PTPRG: variants seen among roughly 807,000 people sequenced by gnomAD.
PTPRG encodes protein tyrosine phosphatase receptor type G.
In PTPRG, 102 loss-of-function variants were observed where a neutral mutation model predicts 165.3. That is an observed-to-expected ratio of 0.62 (90% CI 0.53 to 0.73). The LOEUF is 0.73. Ranked by LOEUF, PTPRG falls within the 30% of genes least tolerant of loss-of-function variation. The pLI, the probability that PTPRG is intolerant of heterozygous loss-of-function variation, is 0.00. For synonymous variants in PTPRG, 675 were observed against 669.5 expected (o/e 1.01, Z -0.13); for missense variants, 1,866 against 1,861.4 (o/e 1.00, Z -0.05).
chr3:61,910,084 T>C (rs958415416), intron 2 of PTPRG, among the ~76,000 whole-genome samples: 1 of 152,192 alleles, frequency 6.6e-6, no homozygotes, highest in African/African-American at 2.4e-5. Context: ...TATTTTTGTG[T>C]GATATATCTC....
At chr3:61,975,910 TC>T (rs1322038250) in intron 2 of PTPRG, among the ~76,000 whole-genome samples, 1 of 152,200 alleles carries the variant, frequency 6.6e-6, no homozygotes, top group Non-Finnish European at 1.5e-5. Flanking sequence ...TTATATATTC[TC>T]CTTGTATACC....
At chr3:62,268,390 G>T (rs1250651278) in intron 19 of PTPRG, among the ~76,000 whole-genome samples, 1 of 151,950 alleles carries the variant, frequency 6.6e-6, no homozygotes, top group Non-Finnish European at 1.5e-5. Flanking sequence ...ACACTTCAAG[G>T]AATCACCACA....
intron 1 of PTPRG, among the ~76,000 whole-genome samples, chr3:61,684,692 C>T (rs1703564754): frequency 6.6e-6 from 1 of 152,144 alleles, no homozygotes; most frequent in Non-Finnish European, 1.5e-5. Flanking sequence ...AAAACTGGAC[C>T]ATGTGAAACA....
At chr3:62,130,692 C>A (rs1291890154) in intron 5 of PTPRG, among the ~76,000 whole-genome samples, 1 of 152,186 alleles carries the variant, frequency 6.6e-6, no homozygotes, top group Non-Finnish European at 1.5e-5. Flanking sequence ...TCTTCTCTTG[C>A]ATTCCTGAGC....
chr3:61,836,047 C>T (rs1235995243), intron 2 of PTPRG, among the ~76,000 whole-genome samples: 5 of 104,384 alleles, frequency 4.8e-5, no homozygotes, highest in Admixed American at 9.9e-5. Context: ...TCTCACCCCC[C>T]GCGCCCCCCC....
At chr3:61,565,620 T>C (rs978897407) in intron 1 of PTPRG, among the ~76,000 whole-genome samples, 1 of 151,784 alleles carries the variant, frequency 6.6e-6, no homozygotes, top group Non-Finnish European at 1.5e-5. Flanking sequence ...ATTTTTTTTT[T>C]AATTGATTTT....
rs77213155 is a variant in PTPRG at position 61,703,291 on chromosome 3, T to C, written c.86-45587T>C. 2.2e-3 allele frequency among the ~76,000 whole-genome samples: 336 copies of C among 152,154 alleles called. 1 individual carries two copies. Among genetic ancestry groups the C allele is most frequent in the African/African-American group, 7.8e-3 (324 of 41,520 alleles). On this transcript the variant is annotated intron_variant, in intron 1 of 29. Transcript: ENST00000474889. ...TTCCGACTGATGCCTTTCTGGAAAA[T>C]AGATAAAGGACATCAGAAGAATGCA...
At chr3:61,999,660 T>G (rs2041124755) in intron 3 of PTPRG, among the ~76,000 whole-genome samples, 1 of 152,228 alleles carries the variant, frequency 6.6e-6, no homozygotes, top group South Asian at 2.1e-4. Context: ...TTTATTTATT[T>G]CATTTTGATT....
chr3:62,074,860 A>T (rs1482753073), intron 4 of PTPRG, among the ~76,000 whole-genome samples: 3 of 152,140 alleles, frequency 2.0e-5, no homozygotes, highest in Admixed American at 2.0e-4. Context: ...CACCTGCCAA[A>T]GGTGTTTTTG....
chr3:61,576,134 G>T (rs1185963317), intron 1 of PTPRG, among the ~76,000 whole-genome samples: 1 of 152,220 alleles, frequency 6.6e-6, no homozygotes, highest in Non-Finnish European at 1.5e-5. Context: ...TTTCTTCTGT[G>T]CAGAGCAGGA....
At chr3:62,175,295 G>GGT (rs1705373992) in intron 8 of PTPRG, among the ~76,000 whole-genome samples, 1 of 152,166 alleles carries the variant, frequency 6.6e-6, no homozygotes, top group African/African-American at 2.4e-5. Context: ...CTCTAGGAGT[G>GGT]GTGCCTGAAA....
At chr3:61,885,855 T>G (rs1475093158) in intron 2 of PTPRG, among the ~76,000 whole-genome samples, 1 of 148,904 alleles carries the variant, frequency 6.7e-6, no homozygotes, top group Non-Finnish European at 1.5e-5. Flanking sequence ...ACCACCTTTT[T>G]GTTGGGTCTA....
At chr3:61,734,052 G>A (rs113340573) in intron 1 of PTPRG, among the ~76,000 whole-genome samples, 185 of 152,274 alleles carry the variant, frequency 1.2e-3, no homozygotes, top group African/African-American at 4.2e-3. Context: ...AAAGTACTGC[G>A]ATTACAGGCA....
At chr3:61,749,392 G>A (rs997111938) in intron 2 of PTPRG, 2 of 297,842 alleles carry the variant, frequency 6.7e-6, no homozygotes, top group Non-Finnish European at 1.3e-5. Context: ...TGCTCTATTA[G>A]GCTCTAAGCC....
intron 2 of PTPRG, among the ~76,000 whole-genome samples, chr3:61,846,649 C>CTCA (rs144119682): frequency 0.12 from 18,272 of 152,148 alleles, 1,892 homozygotes; most frequent in African/African-American, 0.28. Context: ...GGCGTGGTGG[C>CTCA]TCATGCTTGT....
chr3:61,938,780 G>A (rs965179990), intron 2 of PTPRG, among the ~76,000 whole-genome samples: 12 of 151,978 alleles, frequency 7.9e-5, no homozygotes, highest in African/African-American at 2.9e-4. Context: ...TTTTTTTCTA[G>A]GAGAAATTAA....
intron 4 of PTPRG, among the ~76,000 whole-genome samples, chr3:62,044,859 C>G: frequency 6.6e-6 from 1 of 151,962 alleles, no homozygotes; most frequent in East Asian, 1.9e-4. Flanking sequence ...TTATTATAGC[C>G]CTTAATACTT....
chr3:62,267,341 G>A, intron 17 of PTPRG, 69 bp from the exon 18 acceptor site: 1 of 1,198,232 alleles, frequency 8.3e-7, no homozygotes, highest in South Asian at 1.4e-5. Context: ...GCCTTGTGTT[G>A]TGCTTTAGAA....
At chr3:61,735,439 G>A (rs2106852846) in intron 1 of PTPRG, among the ~76,000 whole-genome samples, 1 of 152,080 alleles carries the variant, frequency 6.6e-6, no homozygotes, top group Non-Finnish European at 1.5e-5. Flanking sequence ...AATAAAAATG[G>A]AGATAACAAA....
Sources: gnomAD v4.1 joint callset for allele counts (sites outside exome capture counted in the v4.1 genomes callset) on GRCh38, gnomAD v4.1.1 for gene constraint, MANE v1.5 for transcripts, NCBI Gene and HGNC (gene_info 2026-07-23, HGNC 2026-07-21) for gene names.